CD302: variants seen among roughly 807,000 people sequenced by gnomAD.
CD302 encodes CD302 molecule, also known as CD302 antigen.
In CD302, 23 loss-of-function variants were observed where a neutral mutation model predicts 26.5. The observed-to-expected ratio is 0.87, with a 90% CI of 0.62 to 1.23. The LOEUF (loss-of-function observed/expected upper bound fraction) is 1.23, where lower values mean the gene tolerates loss of function less well. Ranked by LOEUF, CD302 falls within the 50% of genes most tolerant of loss-of-function variation. The pLI is 0.00. For missense variants in CD302, 290 were observed against 275.5 expected (o/e 1.05, Z -0.37); for synonymous variants, 90 against 99.4 (o/e 0.91, Z 0.56).
chr2:159,795,714 T>C (rs1013225889), intron 1 of CD302, among the ~76,000 whole-genome samples: 3 of 152,188 alleles, frequency 2.0e-5, no homozygotes, highest in African/African-American at 7.2e-5. Flanking sequence ...AGTACCCAGA[T>C]ACTGTTTACT....
At chr2:159,791,523 C>A (rs929994432) in intron 1 of CD302, among the ~76,000 whole-genome samples, 1 of 152,172 alleles carries the variant, frequency 6.6e-6, no homozygotes, top group Non-Finnish European at 1.5e-5. Context: ...CTTTATATAG[C>A]GGCTATCTGA....
intron 5 of CD302, among the ~76,000 whole-genome samples, chr2:159,773,944 G>A (rs541256059): frequency 6.6e-6 from 1 of 152,046 alleles, no homozygotes; most frequent in East Asian, 1.9e-4. Context: ...ACTGAAACAA[G>A]CTCACTTTTT....
intron 1 of CD302, among the ~76,000 whole-genome samples, chr2:159,793,549 G>C (rs939098794): frequency 6.6e-6 from 1 of 152,080 alleles, no homozygotes; most frequent in African/African-American, 2.4e-5. Context: ...TCAATAATAA[G>C]ACCTTTGCTC....
At chr2:159,772,293 T>A (rs1252311484) in intron 5 of CD302, among the ~76,000 whole-genome samples, 1 of 152,216 alleles carries the variant, frequency 6.6e-6, no homozygotes, top group East Asian at 1.9e-4. Flanking sequence ...GAAGACCCCA[T>A]AGTGGAAATC....
chr2:159,786,026 C>G (rs1708655401), intron 1 of CD302, among the ~76,000 whole-genome samples: 2 of 152,156 alleles, frequency 1.3e-5, no homozygotes, highest in Non-Finnish European at 2.9e-5. Flanking sequence ...TACTGCAAAC[C>G]TGCACAGCAC....
rs974313723 is a variant in CD302, at chr2:159,771,552, A to G, written c.*299T>C. The G allele has an allele frequency of 3.4e-5, 9 of 264,740 alleles. No individual in the cohort carries two copies. The South Asian group carries it at 4.7e-4, about 14-fold the overall frequency. The allele number at this position is 264,740 out of a possible 1,614,324, so 16.4% of individuals were successfully genotyped here. The stretch of plus-strand genomic sequence containing the variant: ...TAGGGAAGATACAGCAGGCAAGACA[A>G]ATAGGCTGGGCTTTTATTTTTATCT... On this transcript the variant is annotated 3_prime_UTR_variant, in exon 6 of 6. Transcript: ENST00000259053.
intron 1 of CD302, among the ~76,000 whole-genome samples, chr2:159,794,269 CAATAAAATAAAATAAAATAA>C (rs746352509): frequency 3.7e-5 from 4 of 108,420 alleles, no homozygotes; most frequent in African/African-American, 1.4e-4. Context: ...TGTCTCAAAA[CAATAAAATAAAATAAAATAA>C]AATAAAATAA....
intron 1 of CD302, among the ~76,000 whole-genome samples, chr2:159,790,988 T>C (rs919772635): frequency 6.6e-6 from 1 of 152,226 alleles, no homozygotes; most frequent in Non-Finnish European, 1.5e-5. Context: ...TGTGAAAACA[T>C]GTAGTTCTTA....
In CD302 at chr2:159,768,870, C is replaced by G. The variant is rs993991003; in HGVS notation, c.*2981G>C. On this transcript the variant is annotated 3_prime_UTR_variant, in exon 6 of 6. Coordinates refer to ENST00000259053, the MANE Select transcript of CD302 (RefSeq NM_014880.5). ...GTTGTCTTCTGCTTAACCCATAAAA[C>G]TTTATTTAAAAAATTTAACTAGATG... The G allele has an allele frequency of 6.6e-6, 1 of 152,052 alleles. No individual in the cohort carries two copies. The highest frequency in any genetic ancestry group is 1.5e-5 in the Non-Finnish European group (1 of 67,990). 9.4% of individuals were successfully genotyped at this position (152,052 alleles called of 1,614,324 possible). A position where few individuals can be genotyped will look rare whatever the true frequency, so the allele number is the denominator to read the frequency against.
At chr2:159,776,727 G>A (rs1300866988) in intron 5 of CD302, among the ~76,000 whole-genome samples, 2 of 116,722 alleles carry the variant, frequency 1.7e-5, no homozygotes, top group African/African-American at 6.6e-5. Context: ...TTTTTTGTGA[G>A]ATGGAGTCAC....
Position 159,788,252 on chromosome 2 carries a change from T to C in CD302, c.68-4783A>G, listed in dbSNP as rs559332366. On this transcript the variant is annotated intron_variant, in intron 1 of 5. Coordinates refer to ENST00000259053, the MANE Select transcript of CD302 (RefSeq NM_014880.5). ...CACCATATAATGACATCTTGGTCAA[T>C]GATAGACTATATATGGCAGGGTTCC... Among the ~76,000 whole-genome samples, 6 of 152,364 alleles carry C rather than the reference T, an allele frequency of 3.9e-5. No homozygotes were observed. The East Asian group carries it at 9.6e-4, about 24-fold the overall frequency.
rs10710620 is a variant in CD302, at chr2:159,779,230, CAAAAAAAAAAAA to C, written c.469+763_469+774del. 2.3e-4 allele frequency among the ~76,000 whole-genome samples: 11 copies of C among 47,782 alleles called. 1 individual carries two copies. The Admixed American group carries it at 3.3e-3, about 14-fold the overall frequency. The allele number at this position is 47,782 out of a possible 152,430, so 31.3% of individuals were successfully genotyped here. ...TGGGCGACAGAGAGAGACTGCATCG[CAAAAAAAAAAAA>C]AAAAAAAAAAAAAACCTTCTGACGG... On this transcript the variant is annotated intron_variant, in intron 4 of 5. Coordinates refer to ENST00000259053, the MANE Select transcript of CD302 (RefSeq NM_014880.5).
At chr2:159,798,046 G>T in intron 1 of CD302, 86 bp downstream of exon 1, 1 of 1,308,734 alleles carries the variant, frequency 7.6e-7, no homozygotes, top group South Asian at 1.4e-5. Context: ...GGCCGCCCTC[G>T]GGTGCGCGGG....
chr2:159,796,654 C>T (rs1407645177), intron 1 of CD302, among the ~76,000 whole-genome samples: 1 of 152,184 alleles, frequency 6.6e-6, no homozygotes, highest in Admixed American at 6.5e-5. Context: ...TCATCATGCA[C>T]TTTTCTAAAG....
At chr2:159,777,728 C>T (rs1708379022) in intron 5 of CD302, among the ~76,000 whole-genome samples, 1 of 151,988 alleles carries the variant, frequency 6.6e-6, no homozygotes, top group Non-Finnish European at 1.5e-5. Context: ...AAAATATTCC[C>T]GAGTAAAAGA....
rs910771153 is a variant in CD302, at chr2:159,798,070, C to A, written c.67+62G>T. 182 of 1,429,832 alleles carry A rather than the reference C, an allele frequency of 1.3e-4. 1 individual carries two copies. The highest frequency in any genetic ancestry group is 1.3e-4 in the Non-Finnish European group (135 of 1,072,412). The allele number at this position is 1,429,832 out of a possible 1,614,324, so 88.6% of individuals were successfully genotyped here. On this transcript the variant is annotated intron_variant, in intron 1 of 5. Transcript: ENST00000259053. ...CGGGTGCGCGGGGACGAAGAGCGTG[C>A]GTTGGGAAGGGGGCGAAGGCGGTCG... is the stretch of plus-strand genomic sequence containing the variant.
At position 159,780,177 on chromosome 2, in the gene CD302, A is replaced by T; in HGVS notation, c.297T>A (p.Asp99Glu). Residue 99 changes from aspartate to glutamate, a missense_variant and splice_region_variant, in exon 4 of 6, where the codon GAT becomes GAA. Asp to Glu is a conservative substitution (Grantham distance 45). Transcript: ENST00000259053. The part of the protein sequence containing the change: ...ILLGMFYDTD[D>E]ASFKWFDNSN... ...AATTATCAAACCACTTGAAACTCGC[A>T]TCTGTCAATTAAGGAATATTTTCAA... 4 of 1,613,212 alleles carry T rather than the reference A, an allele frequency of 2.5e-6. No homozygotes were observed. The highest frequency in any genetic ancestry group is 3.4e-6 in the Non-Finnish European group (4 of 1,179,586).
At position 159,771,135 on chromosome 2, in the gene CD302, G is replaced by C. The variant is rs1708134294; in HGVS notation, c.*716C>G. The C allele has an allele frequency of 1.3e-5, 2 of 152,134 alleles. No homozygotes were observed. The highest frequency in any genetic ancestry group is 4.8e-5 in the African/African-American group (2 of 41,434). 9.4% of individuals were successfully genotyped at this position (152,134 alleles called of 1,614,324 possible). Reference sequence around the variant, plus strand: ...AGGAGAATGAGATACATCTTGTATAGGGGAAAGTACAAAAGGTATGGTGGC... The same window carrying C: ...AGGAGAATGAGATACATCTTGTATACGGGAAAGTACAAAAGGTATGGTGGC... On this transcript the variant is annotated 3_prime_UTR_variant, in exon 6 of 6. Transcript: ENST00000259053.
intron 1 of CD302, among the ~76,000 whole-genome samples, chr2:159,788,836 T>C (rs1303667368): frequency 6.6e-6 from 1 of 152,236 alleles, no homozygotes; most frequent in Non-Finnish European, 1.5e-5. Flanking sequence ...GATGCTACTT[T>C]TGCTCCATTC....
Sources: gnomAD v4.1 joint callset for allele counts (sites outside exome capture counted in the v4.1 genomes callset) on GRCh38, gnomAD v4.1.1 for gene constraint, MANE v1.5 for transcripts, NCBI Gene and HGNC (gene_info 2026-07-23, HGNC 2026-07-21) for gene names.